The following SPOCK3 variants were observed in gnomAD, a reference collection of about 807,000 sequenced individuals.
The protein encoded by SPOCK3 is testican-3.
SPOCK3 carries 30 observed loss-of-function variants against 56.6 expected under a neutral mutation model. That is an observed-to-expected ratio of 0.53 (90% CI 0.40 to 0.72). The LOEUF is 0.72. Among genes scored for constraint, SPOCK3 ranks in the 30% least tolerant of loss-of-function variants. SPOCK3 has a pLI of 0.00. For synonymous variants in SPOCK3, 196 were observed against 183.3 expected (o/e 1.07, Z -0.56); for missense variants, 527 against 530.0 (o/e 0.99, Z 0.06).
chr4:167,174,161 A>G (rs1304647867), intron 2 of SPOCK3, among the ~76,000 whole-genome samples: 4 of 152,102 alleles, frequency 2.6e-5, no homozygotes, highest in Non-Finnish European at 4.4e-5. Flanking sequence ...ACAACTATAT[A>G]ATATTAATGT....
At chr4:167,178,545 T>C (rs1255346922) in intron 2 of SPOCK3, among the ~76,000 whole-genome samples, 4 of 152,194 alleles carry the variant, frequency 2.6e-5, no homozygotes, top group Admixed American at 2.6e-4. Flanking sequence ...TGTTAACAAT[T>C]GGAATACGTT....
At chr4:166,754,010 C>T (rs948706118) in intron 8 of SPOCK3, 1 of 740,216 alleles carries the variant, frequency 1.4e-6, no homozygotes, top group Non-Finnish European at 1.7e-6. Flanking sequence ...AAAAGGTAAG[C>T]TATTTTGAAA....
chr4:167,123,327 T>C (rs1435518371), intron 2 of SPOCK3, among the ~76,000 whole-genome samples: 2 of 152,208 alleles, frequency 1.3e-5, no homozygotes, highest in African/African-American at 4.8e-5. Context: ...CATCATTTTA[T>C]AAGGAAAAGT....
At chr4:167,212,782 T>G (rs903694900) in intron 2 of SPOCK3, among the ~76,000 whole-genome samples, 6 of 152,200 alleles carry the variant, frequency 3.9e-5, no homozygotes, top group Non-Finnish European at 8.8e-5. Flanking sequence ...TAGAGTCATT[T>G]CAAAATTGAT....
intron 2 of SPOCK3, among the ~76,000 whole-genome samples, chr4:167,123,740 C>CTTTTTT (rs901846399): frequency 2.6e-4 from 31 of 118,304 alleles, no homozygotes; most frequent in Non-Finnish European, 3.5e-4. Flanking sequence ...CATTTCTTTT[C>CTTTTTT]TTTTTTTTTT....
intron 2 of SPOCK3, among the ~76,000 whole-genome samples, chr4:167,093,140 A>G (rs909812732): frequency 2.6e-5 from 4 of 152,108 alleles, no homozygotes; most frequent in Non-Finnish European, 4.4e-5. Context: ...ATTACAATGC[A>G]CTACTGCTGT....
chr4:166,745,885 A>C (rs966980215), intron 8 of SPOCK3, among the ~76,000 whole-genome samples: 11 of 152,210 alleles, frequency 7.2e-5, no homozygotes, highest in African/African-American at 2.7e-4. Flanking sequence ...CAAAAGACAA[A>C]AAGAAGGCCA....
At chr4:167,017,006 A>C (rs1750690297) in intron 3 of SPOCK3, among the ~76,000 whole-genome samples, 1 of 152,152 alleles carries the variant, frequency 6.6e-6, no homozygotes, top group African/African-American at 2.4e-5. Flanking sequence ...GGTGTAGTAA[A>C]GACAAGATTT....
intron 6 of SPOCK3, among the ~76,000 whole-genome samples, chr4:166,855,412 T>C (rs897587222): frequency 2.0e-5 from 3 of 152,144 alleles, no homozygotes; most frequent in African/African-American, 7.2e-5. Context: ...AAGCAGCTGA[T>C]CTTTATTGGT....
intron 4 of SPOCK3, among the ~76,000 whole-genome samples, chr4:166,968,285 G>T (rs1310416591): frequency 6.6e-6 from 1 of 152,202 alleles, no homozygotes; most frequent in Non-Finnish European, 1.5e-5. Context: ...AATCAAGGTG[G>T]CAGAAATTTG....
chr4:167,123,063 G>T (rs755099330), intron 2 of SPOCK3, among the ~76,000 whole-genome samples: 27 of 151,810 alleles, frequency 1.8e-4, no homozygotes, highest in Non-Finnish European at 3.2e-4. Flanking sequence ...GGGAAAAAAA[G>T]GTAGAACAAG....
chr4:167,130,169 T>C (rs1002804237), intron 2 of SPOCK3, among the ~76,000 whole-genome samples: 1 of 152,126 alleles, frequency 6.6e-6, no homozygotes, highest in Non-Finnish European at 1.5e-5. Context: ...TTTCATTATG[T>C]TGCCCAACCT....
intron 3 of SPOCK3, among the ~76,000 whole-genome samples, chr4:167,037,473 C>T (rs193158921): frequency 3.8e-3 from 539 of 141,172 alleles, no homozygotes; most frequent in Admixed American, 6.4e-3. Flanking sequence ...CAGAGCCAGA[C>T]TTCATCTCAA....
At chr4:166,862,279 T>C (rs1445263043) in intron 6 of SPOCK3, among the ~76,000 whole-genome samples, 1 of 151,792 alleles carries the variant, frequency 6.6e-6, no homozygotes, top group East Asian at 1.9e-4. Flanking sequence ...TGCCTTGGGA[T>C]GTTTGAAGGT....
intron 4 of SPOCK3, among the ~76,000 whole-genome samples, chr4:166,978,596 A>G (rs1746228518): frequency 6.6e-6 from 1 of 152,184 alleles, no homozygotes; most frequent in African/African-American, 2.4e-5. Context: ...GCTTGGAGTG[A>G]TGTACTTTAT....
intron 2 of SPOCK3, among the ~76,000 whole-genome samples, chr4:167,101,825 C>A (rs951375783): frequency 1.3e-5 from 2 of 149,806 alleles, no homozygotes; most frequent in South Asian, 4.2e-4. Context: ...CAGGTTCAAG[C>A]AATTCCCCTG....
intron 2 of SPOCK3, among the ~76,000 whole-genome samples, chr4:167,105,829 G>C (rs942208968): frequency 6.6e-6 from 1 of 151,792 alleles, no homozygotes; most frequent in Admixed American, 6.6e-5. Context: ...ACCAAAAAAA[G>C]AGCAGGAGTA....
chr4:166,965,953 C>T (rs933536601), intron 4 of SPOCK3, among the ~76,000 whole-genome samples: 4 of 152,092 alleles, frequency 2.6e-5, no homozygotes, highest in African/African-American at 4.8e-5. Flanking sequence ...TATAGTATCA[C>T]AAAGAATAGT....
intron 6 of SPOCK3, among the ~76,000 whole-genome samples, chr4:166,849,478 A>C (rs1486554929): frequency 6.6e-6 from 1 of 152,150 alleles, no homozygotes; most frequent in Non-Finnish European, 1.5e-5. Context: ...AATAATAGGC[A>C]CAATTAGAGA....
Sources: allele counts gnomAD v4.1 joint callset (sites outside exome capture counted in the v4.1 genomes callset), GRCh38; gene constraint gnomAD v4.1.1; transcripts MANE v1.5; gene names NCBI Gene and HGNC (gene_info 2026-07-23, HGNC 2026-07-21).